Variants in UNC5D observed in about 807,000 individuals in gnomAD.
UNC5D encodes the protein netrin receptor UNC5D.
Under a neutral mutation model 105.4 loss-of-function variants are expected in UNC5D, and 39 were observed. The observed-to-expected ratio is 0.37, with a 90% CI of 0.29 to 0.48. UNC5D has a LOEUF of 0.48. UNC5D is among the 20% of genes least tolerant of loss of function. The pLI, the probability that UNC5D is intolerant of heterozygous loss-of-function variation, is 0.98. For missense variants in UNC5D, 991 were observed against 1,202.4 expected, an observed-to-expected ratio of 0.82 and a Z score of 2.60; for synonymous variants, 452 against 450.4, an observed-to-expected ratio of 1.00 and a Z score of -0.04.
At chr8:35,271,548 A>T (rs1447526224) in intron 1 of UNC5D, among the ~76,000 whole-genome samples, 1 of 145,554 alleles carries the variant, frequency 6.9e-6, no homozygotes, top group Admixed American at 6.9e-5. Flanking sequence ...TTATATATGT[A>T]TACATATGTA....
chr8:35,694,378 A>G (rs1404252592), intron 7 of UNC5D, among the ~76,000 whole-genome samples: 1 of 152,188 alleles, frequency 6.6e-6, no homozygotes, highest in African/African-American at 2.4e-5. Context: ...CAAAATGGAC[A>G]GACAGGAACC....
In UNC5D at chr8:35,787,522, A is replaced by G. The variant is rs192099655; in HGVS notation, c.2658-2837A>G. ...TGCCTTCTACCTGGGTTTTGGTGAC[A>G]GTGTTTATAGGAAGATATTGCAACT... On this transcript the variant is annotated intron_variant, in intron 16 of 16. Coordinates refer to ENST00000404895, the MANE Select transcript of UNC5D (RefSeq NM_080872.4). 1.1e-3 allele frequency among the ~76,000 whole-genome samples: 161 copies of G among 152,218 alleles called. 1 individual carries two copies. The highest frequency in any genetic ancestry group is 4.8e-3 in the South Asian group (23 of 4,828).
chr8:35,267,213 T>C (rs1279100383), intron 1 of UNC5D, among the ~76,000 whole-genome samples: 1 of 151,798 alleles, frequency 6.6e-6, no homozygotes, highest in Non-Finnish European at 1.5e-5. Flanking sequence ...GGAAAAAGAA[T>C]TTTTCCAGGG....
intron 1 of UNC5D, among the ~76,000 whole-genome samples, chr8:35,512,103 C>G (rs1812750915): frequency 1.3e-5 from 2 of 152,120 alleles, no homozygotes; most frequent in African/African-American, 2.4e-5. Context: ...CACCCCCAAT[C>G]AAAACACCTC....
At chr8:35,714,234 TG>T (rs1252817917) in intron 8 of UNC5D, among the ~76,000 whole-genome samples, 2 of 152,314 alleles carry the variant, frequency 1.3e-5, no homozygotes, top group East Asian at 3.9e-4. Context: ...ATGTCCCTGG[TG>T]GTGTCATTAC....
intron 8 of UNC5D, among the ~76,000 whole-genome samples, chr8:35,706,958 A>G (rs959646907): frequency 1.3e-5 from 2 of 152,216 alleles, no homozygotes; most frequent in African/African-American, 2.4e-5. Context: ...CAACATTAAT[A>G]CAGCTCTCAT....
intron 1 of UNC5D, among the ~76,000 whole-genome samples, chr8:35,429,960 G>A (rs1054028663): frequency 6.6e-6 from 1 of 152,120 alleles, no homozygotes; most frequent in African/African-American, 2.4e-5. Context: ...TGACTAATGT[G>A]ATATTGTGAA....
At chr8:35,685,541 G>C (rs1295163329) in intron 6 of UNC5D, among the ~76,000 whole-genome samples, 1 of 152,130 alleles carries the variant, frequency 6.6e-6, no homozygotes, top group Non-Finnish European at 1.5e-5. Flanking sequence ...TGCAATCGAA[G>C]TTAAGGTGGG....
intron 1 of UNC5D, among the ~76,000 whole-genome samples, chr8:35,510,310 CAAAAAAA>C (rs11317897): frequency 1.3e-4 from 9 of 71,862 alleles, no homozygotes; most frequent in Admixed American, 4.9e-4. Flanking sequence ...TTTTTATATC[CAAAAAAA>C]AAAAAAAAAA....
chr8:35,724,378 T>G, intron 9 of UNC5D: 1 of 1,428,088 alleles, frequency 7.0e-7, no homozygotes, highest in East Asian at 2.5e-5. Context: ...CTTAGAGAGA[T>G]CCGTTTTTGA....
chr8:35,754,686 A>G (rs1443934987), intron 13 of UNC5D, among the ~76,000 whole-genome samples: 1 of 152,062 alleles, frequency 6.6e-6, no homozygotes, highest in African/African-American at 2.4e-5. Flanking sequence ...CTAAATAGGG[A>G]CATTCTCTAT....
At chr8:35,658,496 G>A (rs1008153815) in intron 4 of UNC5D, among the ~76,000 whole-genome samples, 43 of 152,110 alleles carry the variant, frequency 2.8e-4, no homozygotes, top group African/African-American at 1.0e-3. Flanking sequence ...TAAATAGGCT[G>A]GTGGTCTGCA....
At chr8:35,752,746 G>C (rs1830346330) in intron 13 of UNC5D, among the ~76,000 whole-genome samples, 1 of 152,064 alleles carries the variant, frequency 6.6e-6, no homozygotes, top group Non-Finnish European at 1.5e-5. Flanking sequence ...GTTCATCTTG[G>C]GGTCACTACT....
chr8:35,367,295 C>T (rs1178648507), intron 1 of UNC5D, among the ~76,000 whole-genome samples: 1 of 152,160 alleles, frequency 6.6e-6, no homozygotes, highest in East Asian at 1.9e-4. Context: ...CTTCCCTTTT[C>T]CCATGCTTTC....
At chr8:35,723,196 G>A (rs537427690) in intron 9 of UNC5D, among the ~76,000 whole-genome samples, 13 of 152,158 alleles carry the variant, frequency 8.5e-5, no homozygotes, top group South Asian at 2.1e-4. Context: ...TGCCTACAGC[G>A]CGGAACCAGA....
At position 35,334,057 on chromosome 8, in the gene UNC5D, T is replaced by C. The variant is rs575375568; in HGVS notation, c.103+98170T>C. On this transcript the variant is annotated intron_variant, in intron 1 of 16. Transcript: ENST00000404895. ...AAACCTCCTTCCACACAGAACCTTT[T>C]TGATAGTTTTTTAACTTTATATGCA... Among the ~76,000 whole-genome samples the C allele has an allele frequency of 3.3e-5, 5 of 152,308 alleles. No homozygotes were observed. In the South Asian group the frequency reaches 8.3e-4, roughly 25 times the overall value.
chr8:35,285,196 G>C (rs1356172034), intron 1 of UNC5D, among the ~76,000 whole-genome samples: 3 of 152,308 alleles, frequency 2.0e-5, no homozygotes, highest in South Asian at 4.1e-4. Flanking sequence ...GAAACTGCTT[G>C]ACAGTGCAGT....
At position 35,549,485 on chromosome 8, in the gene UNC5D, T is replaced by C. The variant is rs1170557191; in HGVS notation, c.297T>C (p.Ser99=). 1 of 1,612,102 alleles carries C rather than the reference T, an allele frequency of 6.2e-7. No individual in the cohort carries two copies. The highest frequency in any genetic ancestry group is 1.1e-5 in the South Asian group (1 of 90,968). ...GGGTCCATCAGAACGAGCACGTCTC[T>C]GAAGAGACTCTGGACGAGAGCTCAG... is the stretch of plus-strand genomic sequence containing the variant. ...GEWVHQNEHV[S]EETLDESSGL... Residue 99 remains serine (S), a synonymous_variant, in exon 2 of 17, where the codon TCT becomes TCC. Coordinates refer to ENST00000404895, the MANE Select transcript of UNC5D (RefSeq NM_080872.4).
chr8:35,613,146 C>T (rs1820800785), intron 4 of UNC5D, among the ~76,000 whole-genome samples: 1 of 152,344 alleles, frequency 6.6e-6, no homozygotes, highest in South Asian at 2.1e-4. Context: ...GGCACGATCA[C>T]AGTTCACTGC....
Sources: gnomAD v4.1 joint callset for allele counts (sites outside exome capture counted in the v4.1 genomes callset) on GRCh38, gnomAD v4.1.1 for gene constraint, MANE v1.5 for transcripts, NCBI Gene and HGNC (gene_info 2026-07-23, HGNC 2026-07-21) for gene names.